The following LPGAT1 variants were observed in gnomAD, a reference collection of about 807,000 sequenced individuals.
LPGAT1 encodes the protein lysophosphatidylglycerol acyltransferase 1.
In LPGAT1, 11 loss-of-function variants were observed where a neutral mutation model predicts 47.5. That is an observed-to-expected ratio of 0.23 (90% confidence interval 0.15 to 0.38). The LOEUF is 0.38. Among genes scored for constraint, LPGAT1 ranks in the 10% least tolerant of loss-of-function variants. The pLI, the probability that LPGAT1 is intolerant of heterozygous loss-of-function variation, is 1.00. For missense variants in LPGAT1, 293 were observed against 439.0 expected (o/e 0.67, Z 2.97); for synonymous variants, 138 against 144.2 (o/e 0.96, Z 0.31).
At chr1:211,818,945 C>T (rs1333109400) in intron 2 of LPGAT1, among the ~76,000 whole-genome samples, 1 of 152,192 alleles carries the variant, frequency 6.6e-6, no homozygotes, top group Non-Finnish European at 1.5e-5. Context: ...TTATGCTTTT[C>T]AACAGACCTC....
At position 211,830,638 on chromosome 1, in the gene LPGAT1, C is replaced by T. The variant is rs1229264988; in HGVS notation, c.-93G>A. Reference sequence around the variant, plus strand: ...AGGAGCCGGAAGAATGCATGGCCGGCGGCGGGGCCGGCGGAAGAAGGCGGT... The same window carrying T: ...AGGAGCCGGAAGAATGCATGGCCGGTGGCGGGGCCGGCGGAAGAAGGCGGT... On this transcript the variant is annotated 5_prime_UTR_variant, in exon 1 of 8. Coordinates refer to ENST00000366997, the MANE Select transcript of LPGAT1 (RefSeq NM_014873.3). The surrounding 1 kb of genome is among the most constrained non-coding windows in gnomAD (Gnocchi z 5.9). 3 of 1,202,856 alleles carry T rather than the reference C, an allele frequency of 2.5e-6. No homozygotes were observed. Among genetic ancestry groups the T allele is most frequent in the African/African-American group, 1.6e-5 (1 of 63,126 alleles). The allele number at this position is 1,202,856 out of a possible 1,614,324, so 74.5% of individuals were successfully genotyped here. A position where few individuals can be genotyped will look rare whatever the true frequency, so the allele number is the denominator to read the frequency against.
intron 6 of LPGAT1, among the ~76,000 whole-genome samples, chr1:211,764,885 C>T (rs1279827286): frequency 6.6e-6 from 1 of 152,144 alleles, no homozygotes. Flanking sequence ...CCACTGCTTC[C>T]CCTTCTCAGT....
chr1:211,771,505 A>AT (rs1200081362), intron 6 of LPGAT1, among the ~76,000 whole-genome samples: 1 of 148,882 alleles, frequency 6.7e-6, no homozygotes, highest in Non-Finnish European at 1.5e-5. Context: ...ACTTATTTTT[A>AT]TTATTATTAT....
intron 6 of LPGAT1, among the ~76,000 whole-genome samples, chr1:211,751,384 G>T (rs1190861855): frequency 6.6e-6 from 1 of 152,134 alleles, no homozygotes; most frequent in African/African-American, 2.4e-5. Context: ...CCATGTTTGT[G>T]GGTTTAAGTA....
intron 2 of LPGAT1, among the ~76,000 whole-genome samples, chr1:211,812,551 G>A (rs919538384): frequency 6.6e-6 from 1 of 152,122 alleles, no homozygotes; most frequent in Non-Finnish European, 1.5e-5. Flanking sequence ...TCTATGGAAA[G>A]CTGAAAAATG....
chr1:211,793,625 G>T (rs998011525), intron 2 of LPGAT1, among the ~76,000 whole-genome samples: 1 of 151,986 alleles, frequency 6.6e-6, no homozygotes, highest in South Asian at 2.1e-4. Context: ...TAGAGATGGG[G>T]TTTCACCATA....
intron 3 of LPGAT1, among the ~76,000 whole-genome samples, chr1:211,788,222 A>G (rs1222634464): frequency 6.6e-6 from 1 of 152,236 alleles, no homozygotes; most frequent in Non-Finnish European, 1.5e-5. Flanking sequence ...AATGATTTAC[A>G]TATTCTATTA....
intron 2 of LPGAT1, among the ~76,000 whole-genome samples, chr1:211,815,195 C>G (rs192240750): frequency 5.9e-5 from 9 of 152,310 alleles, no homozygotes; most frequent in Non-Finnish European, 1.5e-5. Flanking sequence ...ACATCCATGT[C>G]AATTTCACAG....
chr1:211,800,299 G>A (rs112797304), intron 2 of LPGAT1, among the ~76,000 whole-genome samples: 5,740 of 151,412 alleles, frequency 0.038, 158 homozygotes, highest in Non-Finnish European at 0.06. Context: ...GGGATTACAC[G>A]TGTGAGCCAC....
intron 2 of LPGAT1, among the ~76,000 whole-genome samples, chr1:211,825,953 C>G (rs993440003): frequency 6.6e-6 from 1 of 151,690 alleles, no homozygotes; most frequent in Non-Finnish European, 1.5e-5. Flanking sequence ...GAGCAAGACT[C>G]CATCTCAAAA....
At chr1:211,750,893 G>A (rs1657149440) in intron 7 of LPGAT1, 68 bp downstream of exon 7, 3 of 1,183,050 alleles carry the variant, frequency 2.5e-6, no homozygotes, top group Non-Finnish European at 1.2e-6. Flanking sequence ...TATGCAAACA[G>A]CTTTCTTTAA....
intron 2 of LPGAT1, among the ~76,000 whole-genome samples, chr1:211,817,275 C>T (rs1410777699): frequency 6.6e-6 from 1 of 152,102 alleles, no homozygotes; most frequent in African/African-American, 2.4e-5. Flanking sequence ...CTCAACTATT[C>T]ATAAAACCAT....
At chr1:211,784,811 T>TC in intron 4 of LPGAT1, among the ~76,000 whole-genome samples, 1 of 150,582 alleles carries the variant, frequency 6.6e-6, no homozygotes, top group Admixed American at 6.6e-5. Flanking sequence ...TTTCTTTTTT[T>TC]TTTTTTTTTT....
chr1:211,796,649 C>G (rs566152606), intron 2 of LPGAT1, among the ~76,000 whole-genome samples: 1 of 152,218 alleles, frequency 6.6e-6, no homozygotes, highest in South Asian at 2.1e-4. Flanking sequence ...CATAACCCCT[C>G]CCTCAATTTT....
chr1:211,783,334 T>C lies in LPGAT1; in HGVS notation c.622A>G (p.Thr208Ala). The C allele has an allele frequency of 6.2e-7, 1 of 1,614,186 alleles. No individual in the cohort carries two copies. The highest frequency in any genetic ancestry group is 8.5e-7 in the Non-Finnish European group (1 of 1,180,022). The part of the protein sequence containing the change: ...FAKKNNLPFL[T>A]NVTLPRSGAT... The stretch of plus-strand genomic sequence containing the variant: ...CCAGACCTTGGCAGAGTAACATTTG[T>C]AAGAAATGGCAAGTTATTTTTCTTG... Residue 208 changes from threonine (T) to alanine (A), a missense_variant, in exon 5 of 8, where the codon ACA (threonine) becomes GCA (alanine). Physicochemically the swap from Thr to Ala is moderately conservative, Grantham distance 58. Coordinates refer to ENST00000366997, the MANE Select transcript of LPGAT1 (RefSeq NM_014873.3).
chr1:211,826,152 T>C lies in LPGAT1; in HGVS notation c.238+2907A>G, dbSNP rs970706626. Among the ~76,000 whole-genome samples the C allele has an allele frequency of 5.3e-5, 8 of 152,194 alleles. 1 individual carries two copies. Among genetic ancestry groups the C allele is most frequent in the Admixed American group, 2.0e-4 (3 of 15,284 alleles). ...AGCTCTGAGAATGCAAACTAAAGTA[T>C]AAGAATGTTCATTTAAGTTCTTGGG... On this transcript the variant is annotated intron_variant, in intron 2 of 7. Transcript: ENST00000366997.
intron 2 of LPGAT1, among the ~76,000 whole-genome samples, chr1:211,810,531 T>C (rs1269843807): frequency 6.6e-6 from 1 of 152,154 alleles, no homozygotes; most frequent in Non-Finnish European, 1.5e-5. Context: ...ATGCCCATCA[T>C]CATGCCAGCA....
At chr1:211,759,526 TCTC>T (rs1466475816) in intron 6 of LPGAT1, among the ~76,000 whole-genome samples, 2 of 152,290 alleles carry the variant, frequency 1.3e-5, no homozygotes, top group African/African-American at 4.8e-5. Flanking sequence ...TTCAACAAAT[TCTC>T]CTTCATTTTT....
chr1:211,779,124 G>T, intron 5 of LPGAT1, 80 bp from the exon 6 acceptor site: 1 of 1,189,894 alleles, frequency 8.4e-7, no homozygotes, highest in Non-Finnish European at 1.2e-6. Flanking sequence ...TACTTGACCA[G>T]TGTAAGATAT....
Sources: allele counts gnomAD v4.1 joint callset (sites outside exome capture counted in the v4.1 genomes callset), GRCh38; gene constraint gnomAD v4.1.1; non-coding constraint Gnocchi (gnomAD v3.1); transcripts MANE v1.5; gene names NCBI Gene and HGNC (gene_info 2026-07-23, HGNC 2026-07-21).